The following FAAH2 variants were observed in gnomAD, a reference collection of about 807,000 sequenced individuals.
FAAH2 encodes the protein fatty-acid amide hydrolase 2.
A neutral mutation model predicts 36.9 loss-of-function variants in FAAH2; 60 were observed. That is an observed-to-expected ratio of 1.63 (90% CI 1.32 to 2.02). The LOEUF is 2.02. Ranked by LOEUF, FAAH2 falls within the 30% of genes most tolerant of loss-of-function variation. The pLI, the probability that FAAH2 is intolerant of heterozygous loss-of-function variation, is 0.00. For synonymous variants in FAAH2, 214 were observed against 143.8 expected, an observed-to-expected ratio of 1.49 and a Z score of -3.49; for missense variants, 689 against 397.5, an observed-to-expected ratio of 1.73 and a Z score of -6.23.
At chrX:57,194,723 T>C in the FAAH2 span, among the ~76,000 whole-genome samples, 1 of 110,818 alleles carries the variant, frequency 9.0e-6, no homozygotes, top group Non-Finnish European at 1.9e-5. Flanking sequence ...GTGTAATCTT[T>C]TATCCCTCAC....
At chrX:57,158,869 T>C in the FAAH2 span, among the ~76,000 whole-genome samples, 1 of 112,273 alleles carries the variant, frequency 8.9e-6, no homozygotes, top group East Asian at 2.8e-4. Flanking sequence ...TTTGTCAATT[T>C]TGGCTTTTGT....
chrX:57,476,000 T>A (rs757590154), intron 10 of FAAH2, among the ~76,000 whole-genome samples: 54 of 111,456 alleles, frequency 4.8e-4, no homozygotes, highest in Non-Finnish European at 5.3e-4. Flanking sequence ...TGCTTGTCTA[T>A]TGTTTGTGTA....
At chrX:57,484,237 G>C (rs1426124827) in intron 10 of FAAH2, among the ~76,000 whole-genome samples, 3 of 111,162 alleles carry the variant, frequency 2.7e-5, no homozygotes, top group Non-Finnish European at 5.7e-5. Context: ...GCTAGATCGT[G>C]GTGTTCCCTA....
In FAAH2 at chrX:57,324,514, A is replaced by C. The variant is rs1376014253; in HGVS notation, c.413-7084A>C. Among the ~76,000 whole-genome samples the C allele has an allele frequency of 3.6e-5, 4 of 111,405 alleles. No homozygotes were observed. In the East Asian group the frequency reaches 1.1e-3, roughly 31 times the overall value. On this transcript the variant is annotated intron_variant, in intron 3 of 10. Transcript: ENST00000374900. ...ATTTGTTTGTATCCACTTTTATTTC[A>C]TTGAGCAGTGGTTTGTAGTTCTCCT...
At chrX:57,282,283 CT>C (rs971538710), upstream of FAAH2, among the ~76,000 whole-genome samples, 1 of 111,968 alleles carries the variant, frequency 8.9e-6, no homozygotes, top group Non-Finnish European at 1.9e-5. Context: ...GAGATGGTAT[CT>C]CTTCGTGGTT....
At chrX:57,376,405 G>A (rs1327458280) in intron 5 of FAAH2, among the ~76,000 whole-genome samples, 2 of 110,401 alleles carry the variant, frequency 1.8e-5, no homozygotes, top group African/African-American at 3.3e-5. Context: ...CCTCTGACAG[G>A]CCCCCAGTGT....
rs202228022 is a variant in FAAH2 at position 57,375,353 on chromosome X, CTTTTTT to C, written c.743-3285_743-3280del. Among the ~76,000 whole-genome samples the C allele has an allele frequency of 1.2e-4, 8 of 65,237 alleles. No homozygotes were observed. The East Asian group carries it at 1.4e-3, about 12-fold the overall frequency. The allele number at this position is 65,237 out of a possible 115,157, so 56.7% of individuals were successfully genotyped here. A position where few individuals can be genotyped will look rare whatever the true frequency, so the allele number is the denominator to read the frequency against. ...AGCTGTGAATCCATCTGGTACTGCA[CTTTTTT>C]TTTTTTTTTTTTGTAAATTTTTTAT... On this transcript the variant is annotated intron_variant, in intron 5 of 10. Transcript: ENST00000374900.
At chrX:57,196,786 C>T in the FAAH2 span, among the ~76,000 whole-genome samples, 1 of 111,354 alleles carries the variant, frequency 9.0e-6, no homozygotes, top group African/African-American at 3.3e-5. Flanking sequence ...GTACCTGATG[C>T]TGTTGCCTGA....
chrX:57,277,575 C>T, the FAAH2 span, among the ~76,000 whole-genome samples: 1 of 111,524 alleles, frequency 9.0e-6, no homozygotes, highest in East Asian at 2.8e-4. Flanking sequence ...CTGGCTAGGG[C>T]AATCAGGCAA....
the FAAH2 span, among the ~76,000 whole-genome samples, chrX:57,216,495 C>CGTATATATATAT: frequency 1.8e-5 from 1 of 54,387 alleles, no homozygotes; most frequent in African/African-American, 8.9e-5. Context: ...TATATATATA[C>CGTATATATATAT]GTATATGTAT....
the FAAH2 span, among the ~76,000 whole-genome samples, chrX:57,207,899 G>A: frequency 8.9e-6 from 1 of 112,888 alleles, no homozygotes; most frequent in Non-Finnish European, 1.9e-5. Flanking sequence ...ACAGGGGTGA[G>A]GGAATGGCCT....
At chrX:57,390,722 C>T (rs2055145344) in intron 7 of FAAH2, among the ~76,000 whole-genome samples, 2 of 111,552 alleles carry the variant, frequency 1.8e-5, no homozygotes, top group African/African-American at 6.5e-5. Flanking sequence ...ATCCAGTCAA[C>T]CATTGATAAA....
At chrX:57,455,742 C>G (rs2056854424) in intron 10 of FAAH2, among the ~76,000 whole-genome samples, 1 of 112,136 alleles carries the variant, frequency 8.9e-6, no homozygotes. Flanking sequence ...TTCAATTCAA[C>G]AGGAAGTCTT....
intron 7 of FAAH2, among the ~76,000 whole-genome samples, chrX:57,422,177 T>C: frequency 8.9e-6 from 1 of 112,019 alleles, no homozygotes. Flanking sequence ...ACAACAGCTG[T>C]TTGGAGTTAT....
the FAAH2 span, among the ~76,000 whole-genome samples, chrX:57,216,576 ATATATG>A: frequency 1.1e-4 from 6 of 52,334 alleles, no homozygotes; most frequent in Non-Finnish European, 2.0e-4. Flanking sequence ...GTATATGTAT[ATATATG>A]TATATGTATA....
the FAAH2 span, among the ~76,000 whole-genome samples, chrX:57,259,528 C>T: frequency 8.9e-6 from 1 of 111,795 alleles, no homozygotes; most frequent in East Asian, 2.8e-4. Flanking sequence ...AATCCAGACA[C>T]AGAAAGACAA....
At chrX:57,484,110 C>A (rs963725635) in intron 10 of FAAH2, among the ~76,000 whole-genome samples, 3 of 110,965 alleles carry the variant, frequency 2.7e-5, no homozygotes, top group Non-Finnish European at 5.7e-5. Flanking sequence ...CAGCCACTGG[C>A]AACTTTTTTA....
the FAAH2 span, among the ~76,000 whole-genome samples, chrX:57,241,600 A>G: frequency 2.7e-5 from 3 of 111,537 alleles, no homozygotes; most frequent in Admixed American, 9.5e-5. Context: ...GGTTACATGT[A>G]TGTGTTCTTT....
At chrX:57,365,023 T>G (rs2054379860) in intron 5 of FAAH2, among the ~76,000 whole-genome samples, 1 of 111,927 alleles carries the variant, frequency 8.9e-6, no homozygotes, top group African/African-American at 3.2e-5. Context: ...AAACTGTTAG[T>G]TGGAGTATTC....
Sources: allele counts gnomAD v4.1 joint callset (sites outside exome capture counted in the v4.1 genomes callset), GRCh38; gene constraint gnomAD v4.1.1; transcripts MANE v1.5; gene names NCBI Gene and HGNC (gene_info 2026-07-23, HGNC 2026-07-21).